SEPHS1: variants seen among roughly 807,000 people sequenced by gnomAD.
SEPHS1 encodes the protein zincore component SEPHS1.
SEPHS1 carries 7 observed loss-of-function variants against 39.2 expected under a neutral mutation model. The observed-to-expected ratio is 0.18, with a 90% CI of 0.10 to 0.34. SEPHS1 has a LOEUF of 0.34. Ranked by LOEUF, SEPHS1 falls within the 10% of genes least tolerant of loss-of-function variation. SEPHS1 has a pLI of 1.00. For synonymous variants in SEPHS1, 190 were observed against 195.5 expected, an observed-to-expected ratio of 0.97 and a Z score of 0.23; for missense variants, 253 against 514.5, an observed-to-expected ratio of 0.49 and a Z score of 4.92.
chr10:13,342,133 G>T (rs1278639743), intron 2 of SEPHS1, among the ~76,000 whole-genome samples: 1 of 151,878 alleles, frequency 6.6e-6, no homozygotes, highest in Admixed American at 6.6e-5. Context: ...CAGGCATGGT[G>T]GCGGGCGCCT....
At chr10:13,343,322 G>A (rs1588549998) in intron 2 of SEPHS1, among the ~76,000 whole-genome samples, 4 of 152,118 alleles carry the variant, frequency 2.6e-5, no homozygotes, top group Admixed American at 2.6e-4. Context: ...TCCACAGCTT[G>A]GCCATCAGCT....
intron 8 of SEPHS1, among the ~76,000 whole-genome samples, chr10:13,320,417 G>T (rs556389302): frequency 6.6e-6 from 1 of 151,834 alleles, no homozygotes; most frequent in East Asian, 1.9e-4. Flanking sequence ...TCCTGACCTC[G>T]TGATCCACCC....
At chr10:13,343,770 C>A (rs958917365) in intron 2 of SEPHS1, among the ~76,000 whole-genome samples, 1 of 151,954 alleles carries the variant, frequency 6.6e-6, no homozygotes, top group African/African-American at 2.4e-5. Flanking sequence ...GCCAAGATCA[C>A]GCCACTGCAC....
At chr10:13,340,882 G>C (rs994164079) in intron 2 of SEPHS1, 1 of 152,072 alleles carries the variant, frequency 6.6e-6, no homozygotes, top group African/African-American at 2.4e-5. Flanking sequence ...AGACACAGGG[G>C]GTGGCTGCGC....
rs1405370202 is a variant in SEPHS1 at position 13,317,667 on chromosome 10, T to C, written c.*1475A>G. On this transcript the variant is annotated 3_prime_UTR_variant, in exon 9 of 9. Transcript: ENST00000327347. ...CCGAGTTAAAGCCTCTTCCAGGAGC[T>C]TGAACTTCCCAGGGGTCATTTCCTT... is the stretch of plus-strand genomic sequence containing the variant. The C allele has an allele frequency of 6.6e-6, 1 of 152,254 alleles. No individual in the cohort carries two copies. Among genetic ancestry groups the C allele is most frequent in the Non-Finnish European group, 1.5e-5 (1 of 68,054 alleles). The allele number at this position is 152,254 out of a possible 1,614,324, so 9.4% of individuals were successfully genotyped here. A position where few individuals can be genotyped will look rare whatever the true frequency, so the allele number is the denominator to read the frequency against.
At chr10:13,342,738 T>A (rs72783323) in intron 2 of SEPHS1, among the ~76,000 whole-genome samples, 5,353 of 151,710 alleles carry the variant, frequency 0.035, 136 homozygotes, top group East Asian at 0.082. Flanking sequence ...AAAACAGTAA[T>A]CTTTTTTTTT....
chr10:13,342,812 T>TGTAGGCA (rs929142889), intron 2 of SEPHS1, among the ~76,000 whole-genome samples: 2 of 151,954 alleles, frequency 1.3e-5, no homozygotes, highest in African/African-American at 4.8e-5. Flanking sequence ...CTCAGCTCAC[T>TGTAGGCA]GTAGCCTCTG....
intron 6 of SEPHS1, among the ~76,000 whole-genome samples, chr10:13,329,376 A>G (rs1014281746): frequency 6.6e-6 from 1 of 152,178 alleles, no homozygotes; most frequent in Admixed American, 6.6e-5. Flanking sequence ...ATTCTCCTTC[A>G]TATTATTTCT....
chr10:13,347,456 C>A (rs2130708784), intron 1 of SEPHS1: 1 of 149,448 alleles, frequency 6.7e-6, no homozygotes, highest in East Asian at 2.0e-4. Flanking sequence ...GCGGAGGCGG[C>A]AGCTCGGGGC....
chr10:13,328,324 C>A (rs760895503), intron 7 of SEPHS1, 27 bp downstream of exon 7: 1 of 1,479,140 alleles, frequency 6.8e-7, no homozygotes, highest in South Asian at 1.1e-5. Context: ...ACCCCTGGGA[C>A]CGAAGCGCCC....
At chr10:13,332,762 GA>G (rs1833508659) in intron 5 of SEPHS1, among the ~76,000 whole-genome samples, 1 of 151,454 alleles carries the variant, frequency 6.6e-6, no homozygotes, top group African/African-American at 2.4e-5. Context: ...AGAATGGCAT[GA>G]ACCCGGGAGA....
intron 7 of SEPHS1, among the ~76,000 whole-genome samples, chr10:13,325,874 G>T (rs1249648351): frequency 2.6e-5 from 3 of 113,260 alleles, no homozygotes; most frequent in Admixed American, 2.7e-4. Flanking sequence ...CTCCAGCCTG[G>T]GCGACAGCGA....
At chr10:13,328,484 A>C in intron 6 of SEPHS1, 34 bp from the exon 7 acceptor site, 2 of 1,435,488 alleles carry the variant, frequency 1.4e-6, no homozygotes, top group Non-Finnish European at 9.8e-7. Flanking sequence ...GGAGAGAAAG[A>C]GAGGAAAATG....
chr10:13,343,347 G>T (rs974837595), intron 2 of SEPHS1, among the ~76,000 whole-genome samples: 1 of 152,088 alleles, frequency 6.6e-6, no homozygotes, highest in Admixed American at 6.6e-5. Context: ...GGCAGGAACT[G>T]TTTTCAAACT....
Position 13,336,255 on chromosome 10 carries a change from T to C in SEPHS1, c.393A>G (p.Lys131=). The C allele has an allele frequency of 6.2e-7, 1 of 1,612,696 alleles. No homozygotes were observed. Among genetic ancestry groups the C allele is most frequent in the Non-Finnish European group, 8.5e-7 (1 of 1,178,804 alleles). ...AGCTCCTACTTACCCTGTCGGTCAT[T>C]TTATTACTGACTCCAAGGAGCATCA... ...NMLMLLGVSN[K]MTDRERDKVM... is the part of the protein sequence containing the mutation. Residue 131 remains lysine, a synonymous_variant, in exon 4 of 9, where the codon AAA becomes AAG. Transcript: ENST00000327347.
chr10:13,333,719 T>C (rs2130669077), intron 5 of SEPHS1, 98 bp downstream of exon 5: 1 of 1,249,126 alleles, frequency 8.0e-7, no homozygotes, highest in Non-Finnish European at 1.1e-6. Context: ...GGATCATATG[T>C]GTGAGCCACT....
chr10:13,347,677 G>A (rs1031596699), intron 1 of SEPHS1, among the ~76,000 whole-genome samples: 1 of 145,546 alleles, frequency 6.9e-6, no homozygotes, highest in African/African-American at 2.5e-5. Flanking sequence ...CGCCGCCGCC[G>A]CCGCGCAAAA....
chr10:13,334,309 G>A (rs1334530586), intron 4 of SEPHS1, among the ~76,000 whole-genome samples: 1 of 152,212 alleles, frequency 6.6e-6, no homozygotes, highest in Non-Finnish European at 1.5e-5. Context: ...GGGAGGCTGA[G>A]GCGGGCAGAT....
Position 13,318,663 on chromosome 10 carries a change from T to C in SEPHS1, c.*479A>G, listed in dbSNP as rs1008755378. The stretch of plus-strand genomic sequence containing the variant: ...TCAAATCAAACACTCAAAGGAATCA[T>C]GCAACCCTCTTATGACTGGGATACC... On this transcript the variant is annotated 3_prime_UTR_variant, in exon 9 of 9. Transcript: ENST00000327347. 6.1e-6 allele frequency: 1 copy of C among 164,078 alleles called. No individual in the cohort carries two copies. Among genetic ancestry groups the C allele is most frequent in the African/African-American group, 2.4e-5 (1 of 41,510 alleles). 10.2% of individuals were successfully genotyped at this position (164,078 alleles called of 1,614,324 possible).
Sources: allele counts gnomAD v4.1 joint callset (sites outside exome capture counted in the v4.1 genomes callset), GRCh38; gene constraint gnomAD v4.1.1; transcripts MANE v1.5; gene names NCBI Gene and HGNC (gene_info 2026-07-23, HGNC 2026-07-21).